The following TBC1D5 variants were observed in gnomAD, a reference collection of about 807,000 sequenced individuals.
TBC1D5 encodes TBC1 domain family member 5, also known as TBC1 domain family, member 5.
Under a neutral mutation model 100.3 loss-of-function variants are expected in TBC1D5, and 75 were observed. The observed-to-expected ratio is 0.75, with a 90% CI of 0.62 to 0.91. The LOEUF (loss-of-function observed/expected upper bound fraction) is 0.91, where lower values mean the gene tolerates loss of function less well. TBC1D5 is among the 40% of genes least tolerant of loss of function. The pLI, the probability that TBC1D5 is intolerant of heterozygous loss-of-function variation, is 0.00. For synonymous variants in TBC1D5, 323 were observed against 325.6 expected (o/e 0.99, Z 0.09); for missense variants, 910 against 942.4 (o/e 0.97, Z 0.45).
intron 1 of TBC1D5, among the ~76,000 whole-genome samples, chr3:17,665,897 G>T (rs986168981): frequency 1.3e-5 from 2 of 151,946 alleles, no homozygotes; most frequent in Non-Finnish European, 2.9e-5. Context: ...TAATATAGAG[G>T]GTCTTTTGTG....
chr3:17,249,654 G>A (rs949594478), intron 16 of TBC1D5, among the ~76,000 whole-genome samples: 2 of 152,196 alleles, frequency 1.3e-5, no homozygotes, highest in Admixed American at 6.5e-5. Flanking sequence ...AGAACTGTGA[G>A]CCAATTAAAC....
chr3:17,240,248 G>A (rs946044762), intron 16 of TBC1D5, among the ~76,000 whole-genome samples: 2 of 152,034 alleles, frequency 1.3e-5, no homozygotes, highest in African/African-American at 4.8e-5. Flanking sequence ...TTTGGAGGTA[G>A]GACAAATCAA....
chr3:17,213,308 T>C (rs1176953361), intron 18 of TBC1D5, among the ~76,000 whole-genome samples: 1 of 152,196 alleles, frequency 6.6e-6, no homozygotes. Context: ...TATGATGAAA[T>C]TGCGTAACAA....
intron 2 of TBC1D5, among the ~76,000 whole-genome samples, chr3:17,617,194 A>G (rs898930402): frequency 4.6e-5 from 7 of 152,098 alleles, no homozygotes; most frequent in Non-Finnish European, 8.8e-5. Flanking sequence ...ATTCTTTAAG[A>G]ATGTTGAATA....
intron 1 of TBC1D5, among the ~76,000 whole-genome samples, chr3:17,655,430 C>A (rs1336234293): frequency 7.1e-6 from 1 of 141,054 alleles, no homozygotes; most frequent in Non-Finnish European, 1.5e-5. Context: ...ACATTGTGCA[C>A]ATGTACCCTA....
At chr3:17,564,663 C>T (rs2153484729) in intron 2 of TBC1D5, among the ~76,000 whole-genome samples, 1 of 152,244 alleles carries the variant, frequency 6.6e-6, no homozygotes, top group East Asian at 1.9e-4. Flanking sequence ...CTAGTTGATG[C>T]CCTATGTATG....
intron 16 of TBC1D5, among the ~76,000 whole-genome samples, chr3:17,243,089 A>G (rs1275823908): frequency 6.6e-6 from 1 of 152,144 alleles, no homozygotes; most frequent in Non-Finnish European, 1.5e-5. Flanking sequence ...TGGTGATTAT[A>G]TGTGTCTCAG....
intron 2 of TBC1D5, among the ~76,000 whole-genome samples, chr3:17,572,247 G>C (rs2096631708): frequency 6.6e-6 from 1 of 150,776 alleles, no homozygotes; most frequent in South Asian, 2.1e-4. Context: ...TCTGCCTCCT[G>C]GGAGATCTGA....
At chr3:17,661,246 T>C (rs187134333) in intron 1 of TBC1D5, among the ~76,000 whole-genome samples, 29 of 152,334 alleles carry the variant, frequency 1.9e-4, no homozygotes, top group African/African-American at 6.7e-4. Context: ...AATGGCTCCA[T>C]GGTTCCATTA....
chr3:17,508,619 A>G lies in TBC1D5; in HGVS notation c.-35-14T>C, dbSNP rs28553868. 8.1e-7 allele frequency: 1 copy of G among 1,240,030 alleles called. No homozygotes were observed. The highest frequency in any genetic ancestry group is 1.5e-5 in the African/African-American group (1 of 67,394). The allele number at this position is 1,240,030 out of a possible 1,614,324, so 76.8% of individuals were successfully genotyped here. A position where few individuals can be genotyped will look rare whatever the true frequency, so the allele number is the denominator to read the frequency against. On this transcript the variant is annotated splice_polypyrimidine_tract_variant and intron_variant, in intron 2 of 21. Transcript: ENST00000253692. ...AAAAGTAACTACCTGGGAGGTGAAA[A>G]AATACAGAGAAAAATAATAAATTCT...
chr3:17,499,953 G>A (rs1412900320), intron 3 of TBC1D5, among the ~76,000 whole-genome samples: 1 of 149,368 alleles, frequency 6.7e-6, no homozygotes, highest in Non-Finnish European at 1.5e-5. Flanking sequence ...GGATGGTGGA[G>A]AATATATCTT....
chr3:17,435,625 A>C (rs1379271331), intron 3 of TBC1D5, among the ~76,000 whole-genome samples: 1 of 152,198 alleles, frequency 6.6e-6, no homozygotes, highest in Non-Finnish European at 1.5e-5. Flanking sequence ...CCCTCCCATG[A>C]CACATGGGGA....
In TBC1D5 at chr3:17,228,287, T is replaced by G. The variant is rs116564233; in HGVS notation, c.1588+9876A>C. 3.8e-3 allele frequency among the ~76,000 whole-genome samples: 575 copies of G among 152,308 alleles called. 5 individuals are homozygous for G. Among genetic ancestry groups the G allele is most frequent in the African/African-American group, 0.013 (545 of 41,572 alleles). On this transcript the variant is annotated intron_variant, in intron 17 of 21. Coordinates refer to ENST00000253692, the Ensembl canonical transcript of TBC1D5. Reference sequence around the variant, plus strand: ...AGTTGTACGGCCTTGAACAAGTCACTGACCCTCCACTGGCCATAGTTCTCA... The same window carrying G: ...AGTTGTACGGCCTTGAACAAGTCACGGACCCTCCACTGGCCATAGTTCTCA...
chr3:17,473,409 G>A (rs1481794217), intron 3 of TBC1D5, among the ~76,000 whole-genome samples: 1 of 152,108 alleles, frequency 6.6e-6, no homozygotes, highest in African/African-American at 2.4e-5. Context: ...ATGTAAACAT[G>A]AATTCATATA....
chr3:17,533,222 G>T (rs1383528569), intron 2 of TBC1D5, among the ~76,000 whole-genome samples: 1 of 151,962 alleles, frequency 6.6e-6, no homozygotes, highest in Non-Finnish European at 1.5e-5. Flanking sequence ...ACAATTAAAA[G>T]ATAAACTATT....
At chr3:17,405,974 C>T (rs2093759483) in intron 5 of TBC1D5, among the ~76,000 whole-genome samples, 1 of 152,024 alleles carries the variant, frequency 6.6e-6, no homozygotes, top group African/African-American at 2.4e-5. Context: ...CCACTTCTTG[C>T]CACCCCTCAC....
Position 17,683,298 on chromosome 3 carries a change from T to A in TBC1D5, c.-101+56045A>T, listed in dbSNP as rs1031621119. Among the ~76,000 whole-genome samples the A allele has an allele frequency of 5.9e-5, 9 of 151,318 alleles. 1 individual carries two copies. Among genetic ancestry groups the A allele is most frequent in the Admixed American group, 2.6e-4 (4 of 15,212 alleles). On this transcript the variant is annotated intron_variant, in intron 1 of 21. Coordinates refer to ENST00000253692, the Ensembl canonical transcript of TBC1D5. ...GATAACATTATTTTTTTTAAGGAAA[T>A]TAAATTTTACCTAATAGAGCCCTGG...
intron 2 of TBC1D5, among the ~76,000 whole-genome samples, chr3:17,576,955 A>T (rs1188687895): frequency 1.3e-5 from 2 of 152,068 alleles, no homozygotes; most frequent in Non-Finnish European, 2.9e-5. Flanking sequence ...ATAGGAAAAA[A>T]ACTGTAAAAG....
intron 1 of TBC1D5, among the ~76,000 whole-genome samples, chr3:17,685,360 TGTC>T (rs2070114386): frequency 6.6e-6 from 1 of 151,980 alleles, no homozygotes; most frequent in African/African-American, 2.4e-5. Context: ...ATTTAAAGGA[TGTC>T]GTGAAGATGT....
Sources: gnomAD v4.1 joint callset for allele counts (sites outside exome capture counted in the v4.1 genomes callset) on GRCh38, gnomAD v4.1.1 for gene constraint, MANE v1.5 for transcripts, NCBI Gene and HGNC (gene_info 2026-07-23, HGNC 2026-07-21) for gene names.